The following LRP1 variants were observed in gnomAD, a reference collection of about 807,000 sequenced individuals.
LRP1 encodes LDL receptor related protein 1, also known as prolow-density lipoprotein receptor-related protein 1.
In LRP1, 51 loss-of-function variants were observed where a neutral mutation model predicts 541.5. That is an observed-to-expected ratio of 0.09 (90% CI 0.08 to 0.12). The LOEUF (loss-of-function observed/expected upper bound fraction) is 0.12, where lower values mean the gene tolerates loss of function less well. Ranked by LOEUF, LRP1 falls within the 10% of genes least tolerant of loss-of-function variation. The probability of loss-of-function intolerance (pLI) is 1.00; values close to 1 mark genes in which losing one functional copy is unlikely to be tolerated. For synonymous variants in LRP1, 2,219 were observed against 2,470.8 expected (o/e 0.90, Z 3.02); for missense variants, 3,878 against 6,376.2 (o/e 0.61, Z 13.34).
At chr12:57,169,442 T>C (rs1306098846) in intron 20 of LRP1, 135 bp downstream of exon 20, 3 of 836,298 alleles carry the variant, frequency 3.6e-6, no homozygotes, top group Non-Finnish European at 5.4e-6. Context: ...GGCATGGCTC[T>C]TGTCCTTCAG....
chr12:57,194,066 A>G (rs2036473203), intron 48 of LRP1, 54 bp downstream of exon 48: 1 of 1,491,622 alleles, frequency 6.7e-7, no homozygotes, highest in Admixed American at 1.7e-5. Context: ...CGCTCACTGC[A>G]TCTCCCGCCT....
intron 67 of LRP1, 156 bp downstream of exon 67, chr12:57,202,061 C>T (rs551297927): frequency 1.5e-4 from 150 of 973,518 alleles, no homozygotes; most frequent in Admixed American, 1.4e-3. Context: ...GGGAAGGAGG[C>T]CTGGCTGGAG....
chr12:57,195,092 G>A lies in LRP1; in HGVS notation c.8299G>A (p.Ala2767Thr), dbSNP rs2036500540. ...DDCGDGSDEA[A>T]HCEGKTCGPS... ...CTGTGGGGATGGCTCAGACGAGGCT[G>A]CTCACTGTGGTAAGGAAGCTGGGAT... Residue 2767 changes from alanine (A) to threonine (T), a missense_variant, in exon 51 of 89, where the codon GCT (alanine) becomes ACT (threonine). Ala to Thr is a moderately conservative substitution (Grantham distance 58). Coordinates refer to ENST00000243077, the MANE Select transcript of LRP1 (RefSeq NM_002332.3). The A allele has an allele frequency of 6.2e-7, 1 of 1,613,150 alleles. No individual in the cohort carries two copies. The highest frequency in any genetic ancestry group is 8.5e-7 in the Non-Finnish European group (1 of 1,179,320).
chr12:57,191,914 ACACACACTACACATACCACAC>A (rs1565744040), intron 44 of LRP1, among the ~76,000 whole-genome samples: 27 of 594 alleles, frequency 0.045, no homozygotes, highest in East Asian at 0.11. Context: ...ACACACCACC[ACACACACTACACATACCACAC>A]ACACACCACA....
At position 57,184,361 on chromosome 12, in the gene LRP1, G is replaced by A. The variant is rs1287081154; in HGVS notation, c.6095G>A (p.Arg2032His). 16 of 1,614,232 alleles carry A rather than the reference G, an allele frequency of 9.9e-6. No individual in the cohort carries two copies. The highest frequency in any genetic ancestry group is 2.2e-5 in the East Asian group (1 of 44,888). The change falls in exon 38 of 89, where the codon CGT becomes CAT. Residue 2032 changes from arginine to histidine, a missense_variant. Transcript: ENST00000243077. This position sits in a 1 kb window ranked among gnomAD's most constrained non-coding sequence, Gnocchi z 7.8. Reference protein sequence around the residue: ...LFWTEWGQYPRIERSRLDGTE... With the variant: ...LFWTEWGQYPHIERSRLDGTE... ...TGGACTGAGTGGGGTCAGTATCCGC[G>A]TATTGAGCGGTCTCGGCTAGATGGC...
In LRP1 at chr12:57,184,920, G is replaced by A; in HGVS notation, c.6268G>A (p.Val2090Ile). The A allele has an allele frequency of 6.2e-7, 1 of 1,614,220 alleles. No individual in the cohort carries two copies. The highest frequency in any genetic ancestry group is 8.5e-7 in the Non-Finnish European group (1 of 1,180,034). ...GGAGACAGGTGAGAACCGCGAGGTG[G>A]TTCTGTCCAGCAACAACATGGACAT... ...DLETGENREVVLSSNNMDMFS... is the reference protein window; with the variant it reads ...DLETGENREVILSSNNMDMFS... Residue 2090 changes from valine to isoleucine, a missense_variant, in exon 39 of 89, where the codon GTT (valine) becomes ATT (isoleucine). By Grantham distance (29) the Val-to-Ile change is conservative (BLOSUM62 3). Transcript: ENST00000243077. The surrounding 1 kb of genome is among the most constrained non-coding windows in gnomAD (Gnocchi z 7.8).
Position 57,200,774 on chromosome 12 carries a change from G to C in LRP1, c.10184G>C (p.Gly3395Ala). The change falls in exon 64 of 89, where the codon GGC becomes GCC. Residue 3395 changes from glycine (G) to alanine (A), a missense_variant. Physicochemically the swap from Gly to Ala is moderately conservative, Grantham distance 60. This residue lies in a region of LRP1 where 278 missense variants were observed against 536.3 expected (regional missense o/e 0.52). Coordinates refer to ENST00000243077, the MANE Select transcript of LRP1 (RefSeq NM_002332.3). ...ACAAACCCTGCCTTCATCTGCGATG[G>C]CGACAATGACTGCCAGGACAACAGT... ...ICTNPAFICDGDNDCQDNSDE... is the reference protein window; with the variant it reads ...ICTNPAFICDADNDCQDNSDE... 1 of 1,613,932 alleles carries C rather than the reference G, an allele frequency of 6.2e-7. No homozygotes were observed. The highest frequency in any genetic ancestry group is 8.5e-7 in the Non-Finnish European group (1 of 1,180,040).
At position 57,211,676 on chromosome 12, in the gene LRP1, C is replaced by A; in HGVS notation, c.13194-74C>A. Reference sequence around the variant, plus strand: ...GAGGACCGTCAGGCCTCAGTGCCCACCCCCCGCCCTGTTTTCCTGGCAGCA... The same window carrying A: ...GAGGACCGTCAGGCCTCAGTGCCCAACCCCCGCCCTGTTTTCCTGGCAGCA... On this transcript the variant is annotated intron_variant, in intron 85 of 88. Coordinates refer to ENST00000243077, the MANE Select transcript of LRP1 (RefSeq NM_002332.3). The surrounding 1 kb of genome is among the most constrained non-coding windows in gnomAD (Gnocchi z 4.3). The A allele has an allele frequency of 2.4e-6, 3 of 1,228,570 alleles. No individual in the cohort carries two copies. The highest frequency in any genetic ancestry group is 1.2e-5 in the South Asian group (1 of 82,272). The allele number at this position is 1,228,570 out of a possible 1,614,324, so 76.1% of individuals were successfully genotyped here.
At chr12:57,166,391 T>C in intron 17 of LRP1, 182 bp downstream of exon 17, 1 of 758,910 alleles carries the variant, frequency 1.3e-6, no homozygotes, top group Non-Finnish European at 2.0e-6. Flanking sequence ...CTCCCACTCT[T>C]TACAAAAAAA....
Position 57,179,794 on chromosome 12 carries a change from C to A in LRP1, c.4979C>A (p.Ala1660Asp). ...CTTGTGCCCCCAGACTTGCCAAATG[C>A]CCACGGGCTGGCTGTGGACTGGGTC... ...ETVVSADLPNAHGLAVDWVSR... is the reference protein window; with the variant it reads ...ETVVSADLPNDHGLAVDWVSR... The change falls in exon 30 of 89, where the codon GCC (alanine) becomes GAC (aspartate). Residue 1660 changes from alanine to aspartate, a missense_variant. Ala to Asp is a moderately radical substitution (Grantham distance 126, BLOSUM62 -2). Transcript: ENST00000243077. This position sits in a 1 kb window ranked among gnomAD's most constrained non-coding sequence, Gnocchi z 6.8. 6.2e-7 allele frequency: 1 copy of A among 1,613,838 alleles called. No homozygotes were observed. Among genetic ancestry groups the A allele is most frequent in the Non-Finnish European group, 8.5e-7 (1 of 1,179,910 alleles).
At chr12:57,198,110 T>TCCCCCAGGTCAC (rs2036574292) in intron 58 of LRP1, 46 bp from the exon 59 acceptor site, 29 of 1,539,654 alleles carry the variant, frequency 1.9e-5, no homozygotes, top group Non-Finnish European at 2.5e-5. Flanking sequence ...TTGCAGGTCC[T>TCCCCCAGGTCAC]CCCCCAGGTC....
chr12:57,205,611 A>G lies in LRP1; in HGVS notation c.11524A>G (p.Lys3842Glu). The G allele has an allele frequency of 1.2e-6, 2 of 1,613,786 alleles. No homozygotes were observed. Among genetic ancestry groups the G allele is most frequent in the Non-Finnish European group, 1.7e-6 (2 of 1,180,000 alleles). Reference protein sequence around the residue: ...GTCSQLCNNTKGGHLCSCARN... With the variant: ...GTCSQLCNNTEGGHLCSCARN... ...CTGCTCCCAGCTCTGCAACAACACC[A>G]AGGGCGGCCACCTCTGCAGCTGCGC... The change falls in exon 75 of 89, where the codon AAG becomes GAG. Residue 3842 changes from lysine (K) to glutamate (E), a missense_variant. Lys to Glu is a moderately conservative substitution (Grantham distance 56). Coordinates refer to ENST00000243077, the MANE Select transcript of LRP1 (RefSeq NM_002332.3). The surrounding 1 kb of genome is among the most constrained non-coding windows in gnomAD (Gnocchi z 4.6).
chr12:57,211,781 G>A lies in LRP1; in HGVS notation c.13225G>A (p.Glu4409Lys). The change falls in exon 86 of 89, where the codon GAG becomes AAG. Residue 4409 changes from glutamate to lysine, a missense_variant. Glu to Lys is a moderately conservative substitution (Grantham distance 56, BLOSUM62 1). This residue lies in a region of LRP1 where 871 missense variants were observed against 1,212.4 expected (regional missense o/e 0.72). Transcript: ENST00000243077. This position sits in a 1 kb window ranked among gnomAD's most constrained non-coding sequence, Gnocchi z 4.3. ...CPPHMTGPRC[E>K]EHVFSQQQPG... ...ACCCCACATGACAGGGCCCCGGTGTGAGGAGCACGTCTTCAGCCAGCAGCA... is the reference window on the plus strand; with the variant it reads ...ACCCCACATGACAGGGCCCCGGTGTAAGGAGCACGTCTTCAGCCAGCAGCA... 2 of 1,613,014 alleles carry A rather than the reference G, an allele frequency of 1.2e-6. No homozygotes were observed. The highest frequency in any genetic ancestry group is 1.1e-5 in the South Asian group (1 of 91,076).
chr12:57,135,653 G>A (rs1193561224), intron 1 of LRP1, among the ~76,000 whole-genome samples: 2 of 152,156 alleles, frequency 1.3e-5, no homozygotes, highest in African/African-American at 4.8e-5. Context: ...GGGAGATGTG[G>A]CCCCCTCCCC....
chr12:57,165,562 A>G lies in LRP1; in HGVS notation c.2531-243A>G, dbSNP rs925316432. The G allele has an allele frequency of 1.6e-5, 8 of 487,762 alleles. No individual in the cohort carries two copies. The highest frequency in any genetic ancestry group is 1.2e-4 in the South Asian group (5 of 40,576). 30.2% of individuals were successfully genotyped at this position (487,762 alleles called of 1,614,324 possible). On this transcript the variant is annotated intron_variant, in intron 15 of 88. Transcript: ENST00000243077. The surrounding 1 kb of genome is among the most constrained non-coding windows in gnomAD (Gnocchi z 4.5). Reference sequence around the variant, plus strand: ...GAGGCCATGGGCTCTCTTGGACACCATTTGATTCTCAGGTCACACTGAAGT... The same window carrying G: ...GAGGCCATGGGCTCTCTTGGACACCGTTTGATTCTCAGGTCACACTGAAGT...
chr12:57,164,693 C>G (rs543195788), intron 15 of LRP1: 3 of 152,322 alleles, frequency 2.0e-5, no homozygotes, highest in African/African-American at 7.2e-5. Flanking sequence ...TGACCCAGAG[C>G]CTGTTTTGTA....
chr12:57,185,568 G>T lies in LRP1; in HGVS notation c.6501G>T (p.Gln2167His). 1 of 1,592,220 alleles carries T rather than the reference G, an allele frequency of 6.3e-7. No individual in the cohort carries two copies. The change falls in exon 41 of 89, where the codon CAG becomes CAT. Residue 2167 changes from glutamine (Q) to histidine (H), a missense_variant. Around this residue, in one of 13 missense-constraint regions of LRP1, gnomAD observed 1,100 missense variants for 1,827.4 expected, o/e 0.60. Transcript: ENST00000243077. The surrounding 1 kb of genome is among the most constrained non-coding windows in gnomAD (Gnocchi z 4.9). The part of the protein sequence containing the change: ...NVCAVANGGC[Q>H]QLCLYRGRGQ... ...GCGCGGTGGCCAATGGCGGGTGCCA[G>T]CAGCTGTGCCTGTACCGGGGCCGTG... is the stretch of plus-strand genomic sequence containing the variant.
chr12:57,210,216 C>T, intron 81 of LRP1, 47 bp downstream of exon 81: 2 of 1,553,794 alleles, frequency 1.3e-6, no homozygotes, highest in Non-Finnish European at 8.7e-7. Context: ...GGACCATCTC[C>T]TTCCTGTGGC....
Position 57,173,417 on chromosome 12 carries a change from C to A in LRP1, c.3346+67C>A. On this transcript the variant is annotated intron_variant, in intron 21 of 88. Transcript: ENST00000243077. This position sits in a 1 kb window ranked among gnomAD's most constrained non-coding sequence, Gnocchi z 4.7. Reference sequence around the variant, plus strand: ...GGGCAGGAGGAGACCGTGTTGAGAGCAGAGTAGCGGCAAAGGGGATGGCAC... The same window carrying A: ...GGGCAGGAGGAGACCGTGTTGAGAGAAGAGTAGCGGCAAAGGGGATGGCAC... 6.6e-7 allele frequency: 1 copy of A among 1,526,182 alleles called. No individual in the cohort carries two copies. The highest frequency in any genetic ancestry group is 1.2e-5 in the South Asian group (1 of 82,034). The allele number at this position is 1,526,182 out of a possible 1,614,324, so 94.5% of individuals were successfully genotyped here.
Sources: allele counts gnomAD v4.1 joint callset (sites outside exome capture counted in the v4.1 genomes callset), GRCh38; gene constraint gnomAD v4.1.1; regional missense constraint gnomAD v4.1.1; non-coding constraint Gnocchi (gnomAD v3.1); transcripts MANE v1.5; gene names NCBI Gene and HGNC (gene_info 2026-07-23, HGNC 2026-07-21).